The following KLF8 variants were observed in gnomAD, a reference collection of about 807,000 sequenced individuals.
KLF8 encodes the protein Krueppel-like factor 8.
In KLF8, 10 loss-of-function variants were observed where a neutral mutation model predicts 18.2. The ratio of observed to expected loss-of-function variants is 0.55; its 90% CI spans 0.34 to 0.93. The LOEUF (loss-of-function observed/expected upper bound fraction) is 0.93. KLF8 is among the 40% of genes least tolerant of loss of function. The pLI is 0.02. For missense variants in KLF8, 264 were observed against 277.9 expected (o/e 0.95, Z 0.36); for synonymous variants, 109 against 97.3 (o/e 1.12, Z -0.71).
the KLF8 span, among the ~76,000 whole-genome samples, chrX:56,189,377 C>G: frequency 9.0e-6 from 1 of 111,498 alleles, no homozygotes; most frequent in Admixed American, 9.5e-5. Flanking sequence ...ACAACAGGTG[C>G]TGGAGAGGAT....
At chrX:56,104,097 T>A in the KLF8 span, among the ~76,000 whole-genome samples, 1 of 112,101 alleles carries the variant, frequency 8.9e-6, no homozygotes, top group African/African-American at 3.2e-5. Flanking sequence ...TTTGATGTGC[T>A]GCTGGATTCA....
chrX:56,246,265 A>G (rs578251658), intron 1 of KLF8, among the ~76,000 whole-genome samples: 1 of 111,700 alleles, frequency 9.0e-6, no homozygotes, highest in Non-Finnish European at 1.9e-5. Context: ...ATCTTTCCTC[A>G]TTTCCCTGAT....
chrX:56,144,651 G>A, the KLF8 span, among the ~76,000 whole-genome samples: 1 of 104,724 alleles, frequency 9.5e-6, no homozygotes, highest in African/African-American at 3.5e-5. Context: ...TACTCACGAG[G>A]CTGAGGCAGG....
At chrX:55,960,290 G>A in the KLF8 span, among the ~76,000 whole-genome samples, 1 of 112,039 alleles carries the variant, frequency 8.9e-6, no homozygotes, top group African/African-American at 3.2e-5. Flanking sequence ...GCTGAGGTGG[G>A]TGGATCACCT....
At chrX:56,063,042 G>A in the KLF8 span, among the ~76,000 whole-genome samples, 2 of 110,828 alleles carry the variant, frequency 1.8e-5, no homozygotes, top group African/African-American at 6.6e-5. Context: ...CTCTAAACTG[G>A]TTATTCTAGT....
At chrX:56,009,003 T>C in the KLF8 span, among the ~76,000 whole-genome samples, 1 of 111,583 alleles carries the variant, frequency 9.0e-6, no homozygotes, top group Non-Finnish European at 1.9e-5. Context: ...CGACTGAGTC[T>C]TTCCTCCTGC....
intron 5 of KLF8, among the ~76,000 whole-genome samples, chrX:56,284,068 A>G (rs1333693608): frequency 8.9e-6 from 1 of 112,371 alleles, no homozygotes; most frequent in Non-Finnish European, 1.9e-5. Flanking sequence ...TATAGGTAAT[A>G]TGTATGTTAA....
the KLF8 span, among the ~76,000 whole-genome samples, chrX:56,141,580 T>C: frequency 9.2e-3 from 1,024 of 111,908 alleles, 15 homozygotes; most frequent in African/African-American, 0.031. Context: ...TTTTCTTTAA[T>C]CTGTTTGTTT....
the KLF8 span, among the ~76,000 whole-genome samples, chrX:55,995,170 T>A: frequency 8.9e-6 from 1 of 112,294 alleles, no homozygotes; most frequent in East Asian, 2.8e-4. Flanking sequence ...TTTTTGTCTT[T>A]TTTGATCCTT....
chrX:55,908,542 A>G, the KLF8 span: 1 of 295,961 alleles, frequency 3.4e-6, no homozygotes, highest in Admixed American at 6.1e-5. Flanking sequence ...AAGTAGGGAA[A>G]AGGAAGGTTT....
the KLF8 span, among the ~76,000 whole-genome samples, chrX:55,916,459 C>A: frequency 1.8e-5 from 2 of 111,618 alleles, no homozygotes; most frequent in African/African-American, 6.5e-5. Context: ...AATTTGAGGC[C>A]AAAATTGCCA....
chrX:56,178,232 C>T, the KLF8 span, among the ~76,000 whole-genome samples: 1 of 112,618 alleles, frequency 8.9e-6, no homozygotes, highest in Non-Finnish European at 1.9e-5. Context: ...CTCTGATGGC[C>T]AGTGATGATG....
chrX:56,136,633 C>T, the KLF8 span, among the ~76,000 whole-genome samples: 2 of 111,336 alleles, frequency 1.8e-5, no homozygotes, highest in Non-Finnish European at 3.8e-5. Context: ...AAACGTTAGA[C>T]CTAAAACCAT....
chrX:56,025,347 C>G, the KLF8 span, among the ~76,000 whole-genome samples: 1 of 111,501 alleles, frequency 9.0e-6, no homozygotes, highest in Non-Finnish European at 1.9e-5. Context: ...CTCCTTTTTC[C>G]CACTTTGGGT....
the KLF8 span, among the ~76,000 whole-genome samples, chrX:56,029,423 G>A: frequency 6.3e-5 from 7 of 111,236 alleles, no homozygotes; most frequent in Admixed American, 3.8e-4. Context: ...GCAGGTCCAC[G>A]GTAGGTAGAA....
the KLF8 span, among the ~76,000 whole-genome samples, chrX:55,940,366 T>C: frequency 9.0e-6 from 1 of 111,620 alleles, no homozygotes; most frequent in Non-Finnish European, 1.9e-5. Context: ...TAGTTATTGA[T>C]GGGACGTATC....
the KLF8 span, among the ~76,000 whole-genome samples, chrX:55,990,666 A>C: frequency 8.9e-6 from 1 of 111,873 alleles, no homozygotes; most frequent in Non-Finnish European, 1.9e-5. Context: ...GGTGACATAC[A>C]GATGGGATTT....
chrX:55,945,814 C>G, the KLF8 span, among the ~76,000 whole-genome samples: 1 of 110,784 alleles, frequency 9.0e-6, no homozygotes, highest in African/African-American at 3.3e-5. Flanking sequence ...AATCAATGTA[C>G]AAAAATCACA....
chrX:55,919,880 G>A, the KLF8 span, among the ~76,000 whole-genome samples: 1 of 111,638 alleles, frequency 9.0e-6, no homozygotes, highest in Non-Finnish European at 1.9e-5. Flanking sequence ...GTGTCTCTAG[G>A]GCAAGTTTGC....
Sources: gnomAD v4.1 joint callset for allele counts (sites outside exome capture counted in the v4.1 genomes callset) on GRCh38, gnomAD v4.1.1 for gene constraint, MANE v1.5 for transcripts, NCBI Gene and HGNC (gene_info 2026-07-23, HGNC 2026-07-21) for gene names.